ASIC2: variants seen among roughly 807,000 people sequenced by gnomAD.
ASIC2 encodes the protein acid sensing ion channel subunit 2.
ASIC2 carries 25 observed loss-of-function variants against 57.3 expected under a neutral mutation model. The ratio of observed to expected loss-of-function variants is 0.44; its 90% CI spans 0.32 to 0.61. ASIC2 has a LOEUF of 0.61. Ranked by LOEUF, ASIC2 falls within the 20% of genes least tolerant of loss-of-function variation. ASIC2 has a pLI of 0.06. For synonymous variants in ASIC2, 319 were observed against 307.5 expected (o/e 1.04, Z -0.39); for missense variants, 641 against 738.1 (o/e 0.87, Z 1.52).
At chr17:34,119,113 T>A (rs1349542330) in intron 1 of ASIC2, among the ~76,000 whole-genome samples, 1 of 152,186 alleles carries the variant, frequency 6.6e-6, no homozygotes, top group Non-Finnish European at 1.5e-5. Flanking sequence ...CCCACAGAAT[T>A]CCTTCTGGGC....
chr17:33,166,644 C>T (rs578062841), intron 1 of ASIC2, among the ~76,000 whole-genome samples: 56 of 152,354 alleles, frequency 3.7e-4, no homozygotes, highest in African/African-American at 1.3e-3. Context: ...AGGCCCTCCC[C>T]TCCTGGCCTC....
chr17:33,457,312 G>C (rs370732126), intron 1 of ASIC2, among the ~76,000 whole-genome samples: 23 of 150,814 alleles, frequency 1.5e-4, no homozygotes, highest in African/African-American at 5.1e-4. Flanking sequence ...AGAAGTTTGA[G>C]AAGTTAAGCA....
At chr17:33,321,799 CAACCCCTT>C (rs1906882815) in intron 1 of ASIC2, among the ~76,000 whole-genome samples, 1 of 152,210 alleles carries the variant, frequency 6.6e-6, no homozygotes, top group African/African-American at 2.4e-5. Context: ...GCTGAGTTTA[CAACCCCTT>C]AATGTGAAGC....
chr17:33,416,442 G>T (rs534714875), intron 1 of ASIC2, among the ~76,000 whole-genome samples: 1 of 152,222 alleles, frequency 6.6e-6, no homozygotes, highest in South Asian at 2.1e-4. Context: ...CCTCCCATGG[G>T]CCTTCCTCTT....
At chr17:33,238,675 C>T (rs1908387501) in intron 1 of ASIC2, among the ~76,000 whole-genome samples, 1 of 152,196 alleles carries the variant, frequency 6.6e-6, no homozygotes, top group East Asian at 1.9e-4. Context: ...TTCCCTCTGC[C>T]TGGAATGTTT....
At chr17:33,663,494 T>A (rs2142046694) in intron 1 of ASIC2, among the ~76,000 whole-genome samples, 1 of 148,894 alleles carries the variant, frequency 6.7e-6, no homozygotes, top group South Asian at 2.3e-4. Context: ...AGTATATGCG[T>A]GCTAAAGTGT....
At chr17:33,614,580 T>G (rs1490523147) in intron 1 of ASIC2, among the ~76,000 whole-genome samples, 1 of 152,260 alleles carries the variant, frequency 6.6e-6, no homozygotes. Context: ...AGTTTATTTA[T>G]TTTTTGAAAA....
chr17:34,068,618 A>G (rs1909264281), intron 1 of ASIC2, among the ~76,000 whole-genome samples: 2 of 152,204 alleles, frequency 1.3e-5, no homozygotes, highest in South Asian at 4.1e-4. Flanking sequence ...TGAAAGTCCC[A>G]TGAAGCTCTG....
chr17:33,559,398 C>G (rs1916005013), intron 1 of ASIC2, among the ~76,000 whole-genome samples: 1 of 152,194 alleles, frequency 6.6e-6, no homozygotes, highest in African/African-American at 2.4e-5. Flanking sequence ...ATGTCATGCT[C>G]TATATGGGCT....
intron 1 of ASIC2, among the ~76,000 whole-genome samples, chr17:33,213,604 C>A (rs1178434938): frequency 1.3e-5 from 2 of 152,184 alleles, no homozygotes; most frequent in Admixed American, 1.3e-4. Flanking sequence ...CATCGTCCTG[C>A]GGTCTCTAAG....
intron 1 of ASIC2, among the ~76,000 whole-genome samples, chr17:33,909,249 G>A (rs1377099086): frequency 1.3e-5 from 2 of 152,226 alleles, no homozygotes; most frequent in Non-Finnish European, 2.9e-5. Context: ...CTGTGGGGAT[G>A]TAAGGCATTA....
At chr17:33,023,763 G>C in intron 6 of ASIC2, 98 bp downstream of exon 6, 1 of 1,516,938 alleles carries the variant, frequency 6.6e-7, no homozygotes, top group Non-Finnish European at 9.0e-7. Flanking sequence ...TTGCTAACTT[G>C]AACCAAATGC....
rs144019972 is a variant in ASIC2 at position 34,049,214 on chromosome 17, C to T, written c.555+106764G>A. ...GGCTAATGTGGGAGGATCACTTGAG[C>T]CCAGGAGATCGAGGCCACAGTGAAC... On this transcript the variant is annotated intron_variant, in intron 1 of 9. Transcript: ENST00000359872. Among the ~76,000 whole-genome samples the T allele has an allele frequency of 7.9e-5, 12 of 152,240 alleles. No homozygotes were observed. In the East Asian group the frequency reaches 2.3e-3, roughly 29 times the overall value.
chr17:33,055,270 C>G (rs963361829), intron 3 of ASIC2, among the ~76,000 whole-genome samples: 2 of 152,170 alleles, frequency 1.3e-5, no homozygotes, highest in African/African-American at 4.8e-5. Context: ...TTGGGTGTCC[C>G]CCACTCAGTG....
chr17:33,600,649 G>A (rs542350491), intron 1 of ASIC2, among the ~76,000 whole-genome samples: 1 of 152,158 alleles, frequency 6.6e-6, no homozygotes, highest in Non-Finnish European at 1.5e-5. Flanking sequence ...ATCAGACCTT[G>A]GTGATGACCT....
At chr17:33,545,274 G>A (rs1362539137) in intron 1 of ASIC2, among the ~76,000 whole-genome samples, 2 of 152,118 alleles carry the variant, frequency 1.3e-5, no homozygotes, top group Non-Finnish European at 2.9e-5. Context: ...TAACCCAGCT[G>A]AAGTTTTGAC....
intron 1 of ASIC2, among the ~76,000 whole-genome samples, chr17:33,765,693 C>A (rs1368898278): frequency 2.0e-5 from 3 of 152,192 alleles, no homozygotes; most frequent in Admixed American, 1.3e-4. Context: ...CAATTGAGTT[C>A]TTGAGAGCAA....
intron 1 of ASIC2, among the ~76,000 whole-genome samples, chr17:34,043,740 T>C (rs1908225156): frequency 6.6e-6 from 1 of 152,124 alleles, no homozygotes. Context: ...TTTCTTTTCA[T>C]AGAGGGGAAA....
chr17:33,693,777 T>G (rs1054331469), intron 1 of ASIC2, among the ~76,000 whole-genome samples: 1 of 152,148 alleles, frequency 6.6e-6, no homozygotes, highest in Admixed American at 6.5e-5. Flanking sequence ...TAGGTCAAGG[T>G]CAAGGTGAAT....
Sources: gnomAD v4.1 joint callset for allele counts (sites outside exome capture counted in the v4.1 genomes callset) on GRCh38, gnomAD v4.1.1 for gene constraint, MANE v1.5 for transcripts, NCBI Gene and HGNC (gene_info 2026-07-23, HGNC 2026-07-21) for gene names.